Variants in SYNE2 observed in about 807,000 individuals in gnomAD.
SYNE2 encodes the protein spectrin repeat containing nuclear envelope protein 2.
SYNE2 carries 431 observed loss-of-function variants against 856.3 expected under a neutral mutation model. The ratio of observed to expected loss-of-function variants is 0.50; its 90% CI spans 0.47 to 0.55. The LOEUF is 0.55. Among genes scored for constraint, SYNE2 ranks in the 20% least tolerant of loss-of-function variants. SYNE2 has a pLI of 0.00. For synonymous variants in SYNE2, 2,923 were observed against 2,872.3 expected (o/e 1.02, Z -0.56); for missense variants, 8,129 against 8,023.2 (o/e 1.01, Z -0.50).
At chr14:64,100,364 A>C (rs2153638267) in intron 63 of SYNE2, 1 of 151,266 alleles carries the variant, frequency 6.6e-6, no homozygotes, top group South Asian at 2.1e-4. Flanking sequence ...TGCATTCAAA[A>C]AATTTGCCAG....
intron 1 of SYNE2, among the ~76,000 whole-genome samples, chr14:63,844,860 C>T (rs189568669): frequency 6.6e-6 from 1 of 152,036 alleles, no homozygotes; most frequent in Non-Finnish European, 1.5e-5. Flanking sequence ...CCCTGAGCAA[C>T]ATAGCAAGAC....
intron 94 of SYNE2, chr14:64,173,878 C>T: frequency 4.6e-6 from 3 of 655,052 alleles, no homozygotes; most frequent in Admixed American, 2.8e-5. Flanking sequence ...TTATAAATAC[C>T]TAGTTTCAAT....
At chr14:63,813,435 C>G (rs942519804) in intron 1 of SYNE2, among the ~76,000 whole-genome samples, 1 of 152,200 alleles carries the variant, frequency 6.6e-6, no homozygotes, top group Non-Finnish European at 1.5e-5. Flanking sequence ...CAATGTCTAG[C>G]TATGATTCTC....
At position 64,225,627 on chromosome 14, in the gene SYNE2, C is replaced by T; in HGVS notation, c.*101C>T. 2 of 1,314,080 alleles carry T rather than the reference C, an allele frequency of 1.5e-6. No homozygotes were observed. Among genetic ancestry groups the T allele is most frequent in the Non-Finnish European group, 1.1e-6 (1 of 928,336 alleles). 81.4% of individuals were successfully genotyped at this position (1,314,080 alleles called of 1,614,324 possible). On this transcript the variant is annotated 3_prime_UTR_variant, in exon 116 of 116. Transcript: ENST00000555002. ...TGAGTGACTTAGTGTTGGCAAGGTC[C>T]CGGGACCTGTGCAGACTTCTTCTGG...
intron 3 of SYNE2, 96 bp downstream of exon 3, chr14:63,940,771 T>C (rs2095903152): frequency 7.6e-6 from 8 of 1,051,830 alleles, no homozygotes; most frequent in Non-Finnish European, 1.0e-5. Context: ...AAAATGGTAC[T>C]GGTGATGACA....
At chr14:64,203,120 T>C (rs1297071438) in intron 100 of SYNE2, among the ~76,000 whole-genome samples, 157 bp downstream of exon 100, 3 of 152,236 alleles carry the variant, frequency 2.0e-5, no homozygotes, top group Admixed American at 1.3e-4. Context: ...CATGTTCTTA[T>C]ATCTGTCTCT....
chr14:63,829,150 C>T lies in SYNE2; in HGVS notation c.-304-23351C>T, dbSNP rs565469391. On this transcript the variant is annotated intron_variant, in intron 1 of 23. Transcript: ENST00000674003. The stretch of plus-strand genomic sequence containing the variant: ...GTCTGGGGCCAGGCATGGTAGCTCA[C>T]ACTTGTAATTTCAACAGTTTAGGAG... Among the ~76,000 whole-genome samples, 26 of 152,162 alleles carry T rather than the reference C, an allele frequency of 1.7e-4. No individual in the cohort carries two copies. The East Asian group carries it at 5.0e-3, about 29-fold the overall frequency.
At chr14:64,046,100 G>A (rs999882443) in intron 45 of SYNE2, among the ~76,000 whole-genome samples, 4 of 152,172 alleles carry the variant, frequency 2.6e-5, no homozygotes, top group Admixed American at 1.3e-4. Flanking sequence ...AAATAAAAAC[G>A]AGTGCCTTAG....
chr14:63,840,067 A>G (rs980651419), intron 1 of SYNE2, among the ~76,000 whole-genome samples: 2 of 152,148 alleles, frequency 1.3e-5, no homozygotes, highest in African/African-American at 4.8e-5. Context: ...TCAGGAGTTC[A>G]AGACCAGCCT....
At chr14:64,020,228 C>A in intron 35 of SYNE2, 135 bp downstream of exon 35, 1 of 671,232 alleles carries the variant, frequency 1.5e-6, no homozygotes, top group South Asian at 1.8e-5. Context: ...TAAAGATTCT[C>A]TATAACAGGG....
intron 1 of SYNE2, among the ~76,000 whole-genome samples, chr14:63,784,159 G>A (rs906035352): frequency 1.3e-5 from 2 of 152,148 alleles, no homozygotes; most frequent in Non-Finnish European, 2.9e-5. Flanking sequence ...GGGTAGATAG[G>A]AATTCCCTAT....
At chr14:64,152,408 TAA>T (rs2098251506) in intron 84 of SYNE2, among the ~76,000 whole-genome samples, 154 bp from the exon 85 acceptor site, 1 of 152,246 alleles carries the variant, frequency 6.6e-6, no homozygotes, top group African/African-American at 2.4e-5. Context: ...GTAATTGAAC[TAA>T]GAGTATTATG....
rs374468002 is a variant in SYNE2 at position 64,098,742 on chromosome 14, T to C, written c.12307-5T>C. On this transcript the variant is annotated splice_polypyrimidine_tract_variant and splice_region_variant and intron_variant, in intron 62 of 115. Coordinates refer to ENST00000555002, the MANE Select transcript of SYNE2 (RefSeq NM_182914.3). ...CTGCAGGTATTCTTGTGCTGTGCCT[T>C]TCAGTTGAACAGAAGAGGCTCCATG... 69 of 1,613,788 alleles carry C rather than the reference T, an allele frequency of 4.3e-5. No homozygotes were observed. The African/African-American group carries it at 8.4e-4, about 20-fold the overall frequency.
At chr14:64,181,338 T>G (rs1468839696) in intron 96 of SYNE2, among the ~76,000 whole-genome samples, 1 of 152,212 alleles carries the variant, frequency 6.6e-6, no homozygotes, top group African/African-American at 2.4e-5. Flanking sequence ...AGAGCAAGAC[T>G]TTGGTAACAA....
intron 1 of SYNE2, among the ~76,000 whole-genome samples, chr14:63,865,870 A>T (rs1895163877): frequency 6.6e-6 from 1 of 152,188 alleles, no homozygotes; most frequent in Non-Finnish European, 1.5e-5. Flanking sequence ...TCTTTAGCAT[A>T]TCTTCTAGCT....
chr14:64,001,009 T>C lies in SYNE2; in HGVS notation c.3638+290T>C, dbSNP rs17824268. Among the ~76,000 whole-genome samples, 8,292 of 152,286 alleles carry C rather than the reference T, an allele frequency of 0.054. 292 individuals carry two copies. Among genetic ancestry groups the C allele is most frequent in the Admixed American group, 0.096 (1,469 of 15,300 alleles). The stretch of plus-strand genomic sequence containing the variant: ...GTCTTTCCACTGTCTCTTTTGGGCA[T>C]GAATTCGACCAAGTCACATAAACTC... On this transcript the variant is annotated intron_variant, in intron 28 of 115. Transcript: ENST00000555002.
At chr14:63,973,703 A>G (rs915490259) in intron 11 of SYNE2, among the ~76,000 whole-genome samples, 2 of 151,956 alleles carry the variant, frequency 1.3e-5, no homozygotes, top group Non-Finnish European at 2.9e-5. Context: ...TTAAACTTGC[A>G]AGATAAAAAC....
chr14:64,118,800 G>A (rs1022743549), intron 66 of SYNE2, among the ~76,000 whole-genome samples: 3 of 151,210 alleles, frequency 2.0e-5, no homozygotes, highest in African/African-American at 4.9e-5. Context: ...GGTGGAGGTT[G>A]CAGTGAGCCG....
At position 64,167,385 on chromosome 14, in the gene SYNE2, CAGGTTAGA is replaced by C; in HGVS notation, c.16760_16760+7del. 1 of 1,614,220 alleles carries C rather than the reference CAGGTTAGA, an allele frequency of 6.2e-7. No homozygotes were observed. Among genetic ancestry groups the C allele is most frequent in the South Asian group, 1.1e-5 (1 of 91,084 alleles). On this transcript the variant is annotated splice_donor_variant and splice_donor_5th_base_variant and coding_sequence_variant and intron_variant, in exon 91 of 116. Coordinates refer to ENST00000555002, the MANE Select transcript of SYNE2 (RefSeq NM_182914.3). LOFTEE classifies it high-confidence loss of function. ...CCACGGCCACGGCACTGGAGCGCTG[CAGGTTAGA>C]ACATCCCTTCTCTGTCGTTGTTTCA...
Sources: gnomAD v4.1 joint callset for allele counts (sites outside exome capture counted in the v4.1 genomes callset) on GRCh38, gnomAD v4.1.1 for gene constraint, MANE v1.5 for transcripts, NCBI Gene and HGNC (gene_info 2026-07-23, HGNC 2026-07-21) for gene names.